PRKCI: variants seen among roughly 807,000 people sequenced by gnomAD.
The protein encoded by PRKCI is protein kinase C iota, also known as protein kinase C iota type.
Under a neutral mutation model 84.0 loss-of-function variants are expected in PRKCI, and 43 were observed. The observed-to-expected ratio is 0.51, with a 90% CI of 0.40 to 0.66. The LOEUF (loss-of-function observed/expected upper bound fraction) is 0.66. PRKCI is among the 30% of genes least tolerant of loss of function. PRKCI has a pLI of 0.00. For missense variants in PRKCI, 459 were observed against 745.6 expected, an observed-to-expected ratio of 0.62 and a Z score of 4.48; for synonymous variants, 216 against 234.4, an observed-to-expected ratio of 0.92 and a Z score of 0.72.
intron 1 of PRKCI, among the ~76,000 whole-genome samples, chr3:170,234,288 C>T (rs969664740): frequency 5.9e-5 from 9 of 151,996 alleles, no homozygotes; most frequent in African/African-American, 1.7e-4. Context: ...GCCTCAGGCT[C>T]CCAAAGTGCT....
Position 170,281,246 on chromosome 3 carries a change from C to T in PRKCI, c.963C>T (p.Cys321=), listed in dbSNP as rs1734234957. ...CTTTCCTTGTTGGGCTGCATTCTTG[C>T]TTTCAGACAGAAAGCAGGTAAGATT... ...NHPFLVGLHS[C]FQTESRLFFV... is the part of the protein sequence containing the mutation. The change falls in exon 10 of 18, where the codon TGC becomes TGT. Residue 321 remains cysteine, a synonymous_variant. Transcript: ENST00000295797. 3.7e-6 allele frequency: 6 copies of T among 1,613,736 alleles called. No individual in the cohort carries two copies. Among genetic ancestry groups the T allele is most frequent in the South Asian group, 3.3e-5 (3 of 91,066 alleles).
chr3:170,284,996 A>G (rs1184280584), intron 12 of PRKCI, among the ~76,000 whole-genome samples: 1 of 151,968 alleles, frequency 6.6e-6, no homozygotes, highest in Non-Finnish European at 1.5e-5. Flanking sequence ...AACATTTTTT[A>G]TATTTAAATT....
At chr3:170,291,634 T>A in intron 12 of PRKCI, 1 of 414,950 alleles carries the variant, frequency 2.4e-6, no homozygotes, top group Non-Finnish European at 4.6e-6. Flanking sequence ...GAGGTGGAGG[T>A]TGTAGTGAGC....
At chr3:170,296,265 A>G (rs1228097382) in intron 15 of PRKCI, among the ~76,000 whole-genome samples, 7 of 152,202 alleles carry the variant, frequency 4.6e-5, no homozygotes, top group African/African-American at 1.7e-4. Flanking sequence ...ATATTCTCAC[A>G]TAGGGGAAGA....
At chr3:170,260,487 A>C (rs942533965) in intron 3 of PRKCI, among the ~76,000 whole-genome samples, 1 of 152,192 alleles carries the variant, frequency 6.6e-6, no homozygotes, top group African/African-American at 2.4e-5. Flanking sequence ...TTTTTGAGAC[A>C]GTCTCACTCT....
Position 170,304,225 on chromosome 3 carries a change from GA to G in PRKCI, c.*1105del, listed in dbSNP as rs1373170439. ...GGAAAATTACTCAGTGTATAGAAAGGAAAAAAACCAGAAATTTAAAATAGAT... is the reference window on the plus strand; with the variant it reads ...GGAAAATTACTCAGTGTATAGAAAGGAAAAAACCAGAAATTTAAAATAGAT... On this transcript the variant is annotated 3_prime_UTR_variant, in exon 18 of 18. Transcript: ENST00000295797. The G allele has an allele frequency of 2.0e-5, 3 of 151,870 alleles. No homozygotes were observed. Among genetic ancestry groups the G allele is most frequent in the Non-Finnish European group, 4.4e-5 (3 of 67,996 alleles). The allele number at this position is 151,870 out of a possible 1,614,324, so 9.4% of individuals were successfully genotyped here.
chr3:170,260,261 T>C (rs1733690165), intron 3 of PRKCI, among the ~76,000 whole-genome samples: 1 of 152,224 alleles, frequency 6.6e-6, no homozygotes, highest in South Asian at 2.1e-4. Flanking sequence ...GGGAATTTTG[T>C]GGTCTCTGTA....
At chr3:170,281,330 C>T in intron 10 of PRKCI, 67 bp downstream of exon 10, 2 of 1,248,064 alleles carry the variant, frequency 1.6e-6, no homozygotes, top group Non-Finnish European at 1.2e-6. Flanking sequence ...ACAGTTAGAA[C>T]CTTTCTGCCC....
chr3:170,230,261 G>A (rs1178820694), intron 1 of PRKCI, among the ~76,000 whole-genome samples: 1 of 151,436 alleles, frequency 6.6e-6, no homozygotes, highest in Non-Finnish European at 1.5e-5. Context: ...TGCCTCCTGG[G>A]TTCTAACAAT....
Position 170,245,577 on chromosome 3 carries a change from G to A in PRKCI, c.223+10226G>A, listed in dbSNP as rs73034349. ...GGTCTGTCCTCCTCATTGGCATCCC[G>A]TCTCCAGTTGCCCTGTCTTCTTCCT... On this transcript the variant is annotated intron_variant, in intron 2 of 17. Coordinates refer to ENST00000295797, the MANE Select transcript of PRKCI (RefSeq NM_002740.6). Among the ~76,000 whole-genome samples, 1,170 of 152,120 alleles carry A rather than the reference G, an allele frequency of 7.7e-3. 17 individuals are homozygous for A. Among genetic ancestry groups the A allele is most frequent in the African/African-American group, 0.026 (1,080 of 41,482 alleles).
chr3:170,230,972 T>G (rs1207204866), intron 1 of PRKCI, among the ~76,000 whole-genome samples: 1 of 149,846 alleles, frequency 6.7e-6, no homozygotes, highest in African/African-American at 2.4e-5. Context: ...TGTTTTTTTT[T>G]TTTTTGAGAT....
intron 2 of PRKCI, among the ~76,000 whole-genome samples, chr3:170,241,186 T>C (rs1243976573): frequency 6.6e-6 from 1 of 152,196 alleles, no homozygotes; most frequent in East Asian, 1.9e-4. Flanking sequence ...TATTTCTTTG[T>C]GGTGAGGACA....
chr3:170,277,500 CA>C (rs1251571902), intron 8 of PRKCI, among the ~76,000 whole-genome samples: 1 of 152,034 alleles, frequency 6.6e-6, no homozygotes, highest in Non-Finnish European at 1.5e-5. Flanking sequence ...CCTGAGAGTT[CA>C]AGAGCAGCCT....
At chr3:170,296,480 C>A (rs1467735520) in intron 15 of PRKCI, among the ~76,000 whole-genome samples, 1 of 152,110 alleles carries the variant, frequency 6.6e-6, no homozygotes, top group East Asian at 1.9e-4. Flanking sequence ...AAAATGTGAA[C>A]ATCATTCAAT....
At chr3:170,251,849 G>A (rs1315427432) in intron 2 of PRKCI, among the ~76,000 whole-genome samples, 2 of 151,762 alleles carry the variant, frequency 1.3e-5, no homozygotes, top group Non-Finnish European at 2.9e-5. Context: ...AGTGGAGGTT[G>A]CAGTGAGCCG....
rs922110695 is a variant in PRKCI, at chr3:170,305,788, G to A, written c.*2661G>A. 2.0e-5 allele frequency: 3 copies of A among 152,154 alleles called. No homozygotes were observed. The highest frequency in any genetic ancestry group is 7.2e-5 in the African/African-American group (3 of 41,432). 9.4% of individuals were successfully genotyped at this position (152,154 alleles called of 1,614,324 possible). The stretch of plus-strand genomic sequence containing the variant: ...TTTATTTTGCATAAGCATGTGGTCA[G>A]ATCATTTTGTGCATATGCAGCCTGG... On this transcript the variant is annotated 3_prime_UTR_variant, in exon 18 of 18. Coordinates refer to ENST00000295797, the MANE Select transcript of PRKCI (RefSeq NM_002740.6).
rs201509343 is a variant in PRKCI at position 170,240,288 on chromosome 3, G to GT, written c.223+4947dup. Among the ~76,000 whole-genome samples the GT allele has an allele frequency of 2.7e-3, 401 of 148,622 alleles. 1 individual carries two copies. Among genetic ancestry groups the GT allele is most frequent in the African/African-American group, 8.2e-3 (334 of 40,690 alleles). ...AGCATTGACAGTTACTGTTTATTCT[G>GT]TTTTTTTTTTCTTAAAGTAGCATAT... On this transcript the variant is annotated intron_variant, in intron 2 of 17. Coordinates refer to ENST00000295797, the MANE Select transcript of PRKCI (RefSeq NM_002740.6).
chr3:170,240,415 A>G (rs1388913934), intron 2 of PRKCI, among the ~76,000 whole-genome samples: 1 of 152,118 alleles, frequency 6.6e-6, no homozygotes, highest in African/African-American at 2.4e-5. Flanking sequence ...TAAGTTTCCA[A>G]GTTTTCTGGG....
chr3:170,265,703 C>G (rs1733842525), intron 4 of PRKCI, among the ~76,000 whole-genome samples: 1 of 151,646 alleles, frequency 6.6e-6, no homozygotes, highest in African/African-American at 2.4e-5. Flanking sequence ...CAAGCTCTGC[C>G]TCCTGGGTTC....
Sources: allele counts gnomAD v4.1 joint callset (sites outside exome capture counted in the v4.1 genomes callset), GRCh38; gene constraint gnomAD v4.1.1; transcripts MANE v1.5; gene names NCBI Gene and HGNC (gene_info 2026-07-23, HGNC 2026-07-21).